TNFAIP8: variants seen among roughly 807,000 people sequenced by gnomAD.
TNFAIP8 encodes TNF alpha induced protein 8.
In TNFAIP8, 7 loss-of-function variants were observed where a neutral mutation model predicts 13.3. That is an observed-to-expected ratio of 0.52 (90% CI 0.30 to 0.99). TNFAIP8 has a LOEUF of 0.99. Among genes scored for constraint, TNFAIP8 ranks in the 50% least tolerant of loss-of-function variants. The pLI is 0.07. For synonymous variants in TNFAIP8, 94 were observed against 87.6 expected (o/e 1.07, Z -0.41); for missense variants, 258 against 236.9 (o/e 1.09, Z -0.58).
chr5:119,300,303 C>G (rs560377362), intron 1 of TNFAIP8, among the ~76,000 whole-genome samples: 1 of 152,324 alleles, frequency 6.6e-6, no homozygotes, highest in East Asian at 1.9e-4. Context: ...TCATGGTAAT[C>G]ACATCCTCAG....
intron 1 of TNFAIP8, among the ~76,000 whole-genome samples, chr5:119,287,453 T>TGTG (rs1428726397): frequency 1.3e-5 from 2 of 152,168 alleles, no homozygotes; most frequent in Non-Finnish European, 2.9e-5. Context: ...TGTGTGTATG[T>TGTG]GTGGTGGGAA....
At chr5:119,321,517 C>T (rs1750055342) in intron 1 of TNFAIP8, among the ~76,000 whole-genome samples, 3 of 152,166 alleles carry the variant, frequency 2.0e-5, no homozygotes, top group Admixed American at 2.0e-4. Flanking sequence ...TGATTGCATG[C>T]CCTTTACCCC....
chr5:119,356,337 A>G (rs1237129860), intron 1 of TNFAIP8, among the ~76,000 whole-genome samples: 1 of 152,128 alleles, frequency 6.6e-6, no homozygotes, highest in Non-Finnish European at 1.5e-5. Context: ...GAGGGGAGGA[A>G]AAGTCGGACC....
intron 1 of TNFAIP8, among the ~76,000 whole-genome samples, chr5:119,323,942 G>A (rs567309548): frequency 1.3e-5 from 2 of 152,204 alleles, no homozygotes; most frequent in East Asian, 3.9e-4. Flanking sequence ...AGTGGGTTTG[G>A]GTCTTGTGAA....
rs370590571 is a variant in TNFAIP8, at chr5:119,375,390, C to T, written c.32-17426C>T. On this transcript the variant is annotated intron_variant, in intron 1 of 1. Transcript: ENST00000504771. ...GTGAGTAGGTGAAAAGACACAGCTA[C>T]GAAAGGTGGGGGCTGCTCAAGTATT... Among the ~76,000 whole-genome samples, 23 of 152,234 alleles carry T rather than the reference C, an allele frequency of 1.5e-4. No homozygotes were observed. The East Asian group carries it at 2.5e-3, about 17-fold the overall frequency.
intron 1 of TNFAIP8, among the ~76,000 whole-genome samples, chr5:119,311,981 T>C (rs146579967): frequency 6.6e-6 from 1 of 152,256 alleles, no homozygotes; most frequent in East Asian, 1.9e-4. Flanking sequence ...GATGGACTAG[T>C]GTGGAACCAT....
At chr5:119,282,449 T>C (rs761324667) in intron 1 of TNFAIP8, among the ~76,000 whole-genome samples, 2 of 152,224 alleles carry the variant, frequency 1.3e-5, no homozygotes, top group Non-Finnish European at 2.9e-5. Context: ...GCCCTTCCCC[T>C]GAGCAGAAGG....
intron 1 of TNFAIP8, among the ~76,000 whole-genome samples, chr5:119,290,217 A>G (rs1052996318): frequency 6.6e-6 from 1 of 151,834 alleles, no homozygotes; most frequent in Non-Finnish European, 1.5e-5. Flanking sequence ...TAAAAACAAC[A>G]AAAAACATTT....
intron 1 of TNFAIP8, among the ~76,000 whole-genome samples, chr5:119,298,652 C>G (rs1343048164): frequency 1.3e-5 from 2 of 152,094 alleles, no homozygotes; most frequent in Non-Finnish European, 2.9e-5. Context: ...GAATGTTGGC[C>G]TGCCTTGCTG....
intron 1 of TNFAIP8, among the ~76,000 whole-genome samples, chr5:119,300,012 C>T (rs1308680617): frequency 1.3e-5 from 2 of 152,232 alleles, no homozygotes; most frequent in African/African-American, 2.4e-5. Flanking sequence ...TGCCGTCTGT[C>T]ACCCCTTTCT....
chr5:119,291,827 G>T (rs962846617), intron 1 of TNFAIP8, among the ~76,000 whole-genome samples: 2 of 152,174 alleles, frequency 1.3e-5, no homozygotes, highest in African/African-American at 4.8e-5. Context: ...AACTAGCAAA[G>T]ACATTTTTGC....
chr5:119,296,620 T>C (rs1405945441), intron 1 of TNFAIP8, among the ~76,000 whole-genome samples: 1 of 152,248 alleles, frequency 6.6e-6, no homozygotes, highest in Non-Finnish European at 1.5e-5. Flanking sequence ...GGCTTTGGTA[T>C]CAGGATGATG....
chr5:119,358,393 G>T (rs1201717645), intron 1 of TNFAIP8, among the ~76,000 whole-genome samples: 1 of 152,186 alleles, frequency 6.6e-6, no homozygotes, highest in South Asian at 2.1e-4. Flanking sequence ...ACTTGACTCT[G>T]TGCCAGGGGT....
chr5:119,290,072 T>A (rs1748933628), intron 1 of TNFAIP8, among the ~76,000 whole-genome samples: 1 of 151,938 alleles, frequency 6.6e-6, no homozygotes, highest in Admixed American at 6.6e-5. Flanking sequence ...AAAGAAATTC[T>A]CTGCCCTCTA....
rs112606174 is a variant in TNFAIP8 at position 119,276,086 on chromosome 5, G to C, written c.1+7179G>C. 3.6e-3 allele frequency among the ~76,000 whole-genome samples: 550 copies of C among 151,654 alleles called. 3 individuals carry two copies. Among genetic ancestry groups the C allele is most frequent in the African/African-American group, 0.013 (521 of 41,376 alleles). On this transcript the variant is annotated intron_variant, in intron 1 of 1. Coordinates refer to the TNFAIP8 transcript ENST00000274456. ...CAAGCATATCCACACTGAATTTTACGCTTTAATCAGTCTTTCGTTAAGTTC... is the reference window on the plus strand; with the variant it reads ...CAAGCATATCCACACTGAATTTTACCCTTTAATCAGTCTTTCGTTAAGTTC...
chr5:119,284,923 G>C (rs1748732212), intron 1 of TNFAIP8, among the ~76,000 whole-genome samples: 1 of 152,154 alleles, frequency 6.6e-6, no homozygotes, highest in Non-Finnish European at 1.5e-5. Context: ...CTAGTAGTGA[G>C]TTTGGTGGAG....
At chr5:119,380,615 C>A (rs1383271485) in intron 1 of TNFAIP8, among the ~76,000 whole-genome samples, 1 of 152,132 alleles carries the variant, frequency 6.6e-6, no homozygotes, top group Non-Finnish European at 1.5e-5. Context: ...ACTAATGTAT[C>A]CTAATTCAAC....
chr5:119,397,749 C>G lies in TNFAIP8; in HGVS notation c.*4368C>G, dbSNP rs549404277. On this transcript the variant is annotated 3_prime_UTR_variant, in exon 2 of 2. Coordinates refer to ENST00000504771, the MANE Select transcript of TNFAIP8 (RefSeq NM_014350.4). ...GAAAACCTTTAACTACTTATAATCC[C>G]GTATAGTCACCATCACCACGAAGTA... The G allele has an allele frequency of 6.6e-6, 1 of 152,180 alleles. No homozygotes were observed. Among genetic ancestry groups the G allele is most frequent in the Admixed American group, 6.5e-5 (1 of 15,270 alleles). 9.4% of individuals were successfully genotyped at this position (152,180 alleles called of 1,614,324 possible). A position where few individuals can be genotyped will look rare whatever the true frequency, so the allele number is the denominator to read the frequency against.
At chr5:119,309,064 A>G (rs537835536) in intron 1 of TNFAIP8, among the ~76,000 whole-genome samples, 2 of 152,178 alleles carry the variant, frequency 1.3e-5, no homozygotes, top group Non-Finnish European at 2.9e-5. Flanking sequence ...ACAGTTATTT[A>G]CATTTTCAGT....
Sources: allele counts gnomAD v4.1 joint callset (sites outside exome capture counted in the v4.1 genomes callset), GRCh38; gene constraint gnomAD v4.1.1; transcripts MANE v1.5; gene names NCBI Gene and HGNC (gene_info 2026-07-23, HGNC 2026-07-21).